MDM4: variants seen among roughly 807,000 people sequenced by gnomAD.
MDM4 encodes the protein MDM4 regulator of p53, also known as protein Mdm4.
Under a neutral mutation model 60.2 loss-of-function variants are expected in MDM4, and 2 were observed. That is an observed-to-expected ratio of 0.03 (90% confidence interval 0.01 to 0.10). The LOEUF is 0.10. Ranked by LOEUF, MDM4 falls within the 10% of genes least tolerant of loss-of-function variation. The probability of loss-of-function intolerance (pLI) is 1.00; values close to 1 mark genes in which losing one functional copy is unlikely to be tolerated. For missense variants in MDM4, 447 were observed against 577.5 expected, an observed-to-expected ratio of 0.77 and a Z score of 2.32; for synonymous variants, 202 against 198.1, an observed-to-expected ratio of 1.02 and a Z score of -0.17.
chr1:204,529,023 A>G, intron 3 of MDM4: 3 of 1,513,804 alleles, frequency 2.0e-6, no homozygotes, highest in Non-Finnish European at 2.7e-6. Context: ...GCTGGAGACC[A>G]GTAGCTGGGT....
At chr1:204,542,202 G>C (rs149817467) in intron 7 of MDM4, among the ~76,000 whole-genome samples, 1 of 152,312 alleles carries the variant, frequency 6.6e-6, no homozygotes, top group African/African-American at 2.4e-5. Flanking sequence ...GTGTTTTATA[G>C]TGGTTGTTAC....
Position 204,549,764 on chromosome 1 carries a change from C to A in MDM4, c.*82C>A. ...ATCAATCCTTTATTTAATTTTATTT[C>A]CAACCTGTCAGAGAATGTTCTTAGG... On this transcript the variant is annotated 3_prime_UTR_variant, in exon 11 of 11. Transcript: ENST00000367182. 1 of 925,994 alleles carries A rather than the reference C, an allele frequency of 1.1e-6. No individual in the cohort carries two copies. The allele number at this position is 925,994 out of a possible 1,614,324, so 57.4% of individuals were successfully genotyped here. A position where few individuals can be genotyped will look rare whatever the true frequency, so the allele number is the denominator to read the frequency against.
intron 10 of MDM4, among the ~76,000 whole-genome samples, 188 bp downstream of exon 10, chr1:204,547,065 A>G (rs1662737760): frequency 6.6e-6 from 1 of 152,128 alleles, no homozygotes; most frequent in Non-Finnish European, 1.5e-5. Flanking sequence ...AGGGAAGGGG[A>G]TAATTTGATC....
intron 2 of MDM4, among the ~76,000 whole-genome samples, chr1:204,526,053 G>A (rs2102318720): frequency 6.6e-6 from 1 of 152,288 alleles, no homozygotes; most frequent in South Asian, 2.1e-4. Flanking sequence ...CCAGGGGTTT[G>A]AGAACAGCCA....
chr1:204,537,598 A>AATTT, intron 6 of MDM4, 101 bp downstream of exon 6: 1 of 833,080 alleles, frequency 1.2e-6, no homozygotes. Context: ...ATGTGGTAAG[A>AATTT]ATTTAATAAG....
Position 204,549,091 on chromosome 1 carries a change from T to C in MDM4, c.904-22T>C, listed in dbSNP as rs535762622. On this transcript the variant is annotated intron_variant, in intron 10 of 10. Coordinates refer to ENST00000367182, the MANE Select transcript of MDM4 (RefSeq NM_002393.5). Reference sequence around the variant, plus strand: ...ATCATATTAACCCCCTGAGTATTAATTGGCTTCACTTGTCTTTGTAGGATG... The same window carrying C: ...ATCATATTAACCCCCTGAGTATTAACTGGCTTCACTTGTCTTTGTAGGATG... 110 of 1,455,428 alleles carry C rather than the reference T, an allele frequency of 7.6e-5. No individual in the cohort carries two copies. The South Asian group carries it at 1.2e-3, about 16-fold the overall frequency. The allele number at this position is 1,455,428 out of a possible 1,614,324, so 90.2% of individuals were successfully genotyped here. A position where few individuals can be genotyped will look rare whatever the true frequency, so the allele number is the denominator to read the frequency against.
intron 7 of MDM4, among the ~76,000 whole-genome samples, chr1:204,538,551 T>C (rs569607361): frequency 6.6e-6 from 1 of 152,232 alleles, no homozygotes; most frequent in South Asian, 2.1e-4. Context: ...TACTAGAAAA[T>C]AGCTACACAT....
At position 204,530,747 on chromosome 1, in the gene MDM4, A is replaced by C. The variant is rs749291331; in HGVS notation, c.217A>C (p.Met73Leu). ...KQLYDQQEQH[M>L]VYCGGDLLGE... The stretch of plus-strand genomic sequence containing the variant: ...ACTTTATGATCAGCAGGAGCAGCAT[A>C]TGGTATATTGTGGTGGAGATCTTTT... Residue 73 changes from methionine (M) to leucine (L), a missense_variant, in exon 4 of 11, where the codon ATG becomes CTG. This residue lies in a region of MDM4 where 31 missense variants were observed against 87.6 expected (regional missense o/e 0.35). Transcript: ENST00000367182. The C allele has an allele frequency of 6.2e-7, 1 of 1,614,198 alleles. No individual in the cohort carries two copies. The highest frequency in any genetic ancestry group is 2.2e-5 in the East Asian group (1 of 44,878).
intron 5 of MDM4, among the ~76,000 whole-genome samples, chr1:204,533,557 T>C (rs1256207871): frequency 2.6e-5 from 4 of 152,172 alleles, no homozygotes; most frequent in African/African-American, 9.6e-5. Context: ...AGGGTTTTGC[T>C]GTGTTGCTCA....
At chr1:204,529,070 A>T in intron 3 of MDM4, 5 of 1,451,852 alleles carry the variant, frequency 3.4e-6, no homozygotes, top group Non-Finnish European at 4.8e-6. Context: ...TTTGGGACAG[A>T]GCTTGCTGCA....
intron 1 of MDM4, among the ~76,000 whole-genome samples, chr1:204,518,280 G>A (rs762378826): frequency 7.2e-5 from 11 of 152,156 alleles, no homozygotes; most frequent in South Asian, 2.1e-4. Context: ...TCAGCCCTCC[G>A]GAATAGCTGG....
chr1:204,517,480 T>G (rs556733031), intron 1 of MDM4, among the ~76,000 whole-genome samples: 1 of 151,804 alleles, frequency 6.6e-6, no homozygotes. Context: ...CTTGGCTCAC[T>G]GCAACTTCTG....
chr1:204,537,008 A>T, intron 5 of MDM4: 1 of 303,820 alleles, frequency 3.3e-6, no homozygotes, highest in Non-Finnish European at 6.5e-6. Context: ...ATGACTTAAC[A>T]CTTGAAAGTT....
intron 3 of MDM4, among the ~76,000 whole-genome samples, chr1:204,528,487 A>T (rs990585795): frequency 3.9e-5 from 6 of 152,054 alleles, no homozygotes; most frequent in African/African-American, 1.4e-4. Flanking sequence ...GCCAGTGAAC[A>T]CTCGCCACTG....
rs183252715 is a variant in MDM4 at position 204,551,782 on chromosome 1, C to T, written c.*2100C>T. On this transcript the variant is annotated 3_prime_UTR_variant, in exon 11 of 11. Transcript: ENST00000367182. ...AATGTCCAAACGTGCAGAGACTGAT[C>T]TTTGAGATCTGGACCAGGAATTTGC... The T allele has an allele frequency of 1.7e-4, 38 of 225,408 alleles. No homozygotes were observed. The highest frequency in any genetic ancestry group is 8.2e-4 in the African/African-American group (37 of 44,856). The allele number at this position is 225,408 out of a possible 1,614,324, so 14.0% of individuals were successfully genotyped here. A position where few individuals can be genotyped will look rare whatever the true frequency, so the allele number is the denominator to read the frequency against.
intron 5 of MDM4, chr1:204,532,768 G>T (rs1660998824): frequency 1.2e-6 from 2 of 1,609,756 alleles, no homozygotes. Context: ...ACGTGTTGAA[G>T]AAATGGGTCA....
rs879738497 is a variant in MDM4 at position 204,557,014 on chromosome 1, A to G, written c.*7332A>G. The G allele has an allele frequency of 9.7e-6, 2 of 205,470 alleles. No homozygotes were observed. Among genetic ancestry groups the G allele is most frequent in the Admixed American group, 6.0e-5 (1 of 16,782 alleles). 12.7% of individuals were successfully genotyped at this position (205,470 alleles called of 1,614,324 possible). On this transcript the variant is annotated 3_prime_UTR_variant, in exon 11 of 11. Coordinates refer to ENST00000367182, the MANE Select transcript of MDM4 (RefSeq NM_002393.5). ...GTCCGTATGCCTCAGTTTTTCTCAT[A>G]TATAAAAAGCAGTATACATACCTAC...
rs1358601550 is a variant in MDM4, at chr1:204,554,179, TAATAC to T, written c.*4500_*4504del. 1.8e-5 allele frequency: 4 copies of T among 227,322 alleles called. No homozygotes were observed. Among genetic ancestry groups the T allele is most frequent in the Non-Finnish European group, 3.5e-5 (4 of 114,458 alleles). The allele number at this position is 227,322 out of a possible 1,614,324, so 14.1% of individuals were successfully genotyped here. ...TATTGGTGAATATTCTTCTGATCTA[TAATAC>T]AAAGCTATGTAATGTTACCTCTTGA... On this transcript the variant is annotated 3_prime_UTR_variant, in exon 11 of 11. Transcript: ENST00000367182.
chr1:204,524,724 C>G (rs555701403), intron 1 of MDM4, among the ~76,000 whole-genome samples: 1 of 152,340 alleles, frequency 6.6e-6, no homozygotes, highest in South Asian at 2.1e-4. Context: ...TTACAGTGAG[C>G]CGAGATTGCG....
Sources: gnomAD v4.1 joint callset for allele counts (sites outside exome capture counted in the v4.1 genomes callset) on GRCh38, gnomAD v4.1.1 for gene constraint, gnomAD v4.1.1 regional missense constraint, MANE v1.5 for transcripts, NCBI Gene and HGNC (gene_info 2026-07-23, HGNC 2026-07-21) for gene names.